ABT1: variants seen among roughly 807,000 people sequenced by gnomAD.
ABT1 encodes the protein activator of basal transcription 1, also known as TATA-binding protein-binding protein.
In ABT1, 13 loss-of-function variants were observed where a neutral mutation model predicts 14.0. The observed-to-expected ratio is 0.93, with a 90% CI of 0.61 to 1.48. The LOEUF is 1.48. ABT1 is among the 40% of genes most tolerant of loss of function. The pLI, the probability that ABT1 is intolerant of heterozygous loss-of-function variation, is 0.00. For missense variants in ABT1, 430 were observed against 380.0 expected (o/e 1.13, Z -1.09); for synonymous variants, 165 against 144.6 (o/e 1.14, Z -1.01).
Position 26,599,856 on chromosome 6 carries a change from G to T in ABT1, c.*1211G>T, listed in dbSNP as rs1554144926. The T allele has an allele frequency of 6.6e-6, 1 of 152,252 alleles. No individual in the cohort carries two copies. Among genetic ancestry groups the T allele is most frequent in the African/African-American group, 2.4e-5 (1 of 41,456 alleles). 9.4% of individuals were successfully genotyped at this position (152,252 alleles called of 1,614,324 possible). Reference sequence around the variant, plus strand: ...AATTCTGATCATTTTCCAGGCTGTTGCATGAAGTGATAGAGTATGATTATA... The same window carrying T: ...AATTCTGATCATTTTCCAGGCTGTTTCATGAAGTGATAGAGTATGATTATA... On this transcript the variant is annotated 3_prime_UTR_variant, in exon 3 of 3. Transcript: ENST00000274849.
rs368619227 is a variant in ABT1 at position 26,597,294 on chromosome 6, C to T, written c.241+71C>T. The T allele has an allele frequency of 2.3e-5, 36 of 1,566,514 alleles. No homozygotes were observed. The African/African-American group carries it at 2.3e-4, about 10-fold the overall frequency. ...CTGGCGGGGTGCAAGCATGCATGTCCTGTTGCTTCGCTGCGCGAGGCTGAG... is the reference window on the plus strand; with the variant it reads ...CTGGCGGGGTGCAAGCATGCATGTCTTGTTGCTTCGCTGCGCGAGGCTGAG... On this transcript the variant is annotated intron_variant, in intron 1 of 2. Coordinates refer to ENST00000274849, the MANE Select transcript of ABT1 (RefSeq NM_013375.4).
intron 2 of ABT1, 73 bp downstream of exon 2, chr6:26,598,183 G>A (rs1482212250): frequency 6.4e-7 from 1 of 1,574,640 alleles, no homozygotes; most frequent in Non-Finnish European, 8.7e-7. Context: ...TATCCCCATG[G>A]CCTCTCATTG....
Position 26,596,990 on chromosome 6 carries a change from C to T in ABT1, c.8C>T (p.Ala3Val), listed in dbSNP as rs782100852. ...CCGCTCGTGTCAGTCAACATGGAGG[C>T]AGAGGAATCGGAGAAGGCCGCAACG... ME[A>V]EESEKAATEQ... is the part of the protein sequence containing the mutation. The change falls in exon 1 of 3, where the codon GCA becomes GTA. Residue 3 changes from alanine (A) to valine (V), a missense_variant. By Grantham distance (64) the Ala-to-Val change is moderately conservative (BLOSUM62 0). Coordinates refer to ENST00000274849, the MANE Select transcript of ABT1 (RefSeq NM_013375.4). 1.5e-5 allele frequency: 24 copies of T among 1,610,562 alleles called. No homozygotes were observed. The highest frequency in any genetic ancestry group is 1.1e-4 in the South Asian group (10 of 90,606).
In ABT1 at chr6:26,599,774, A is replaced by C. The variant is rs1764952043; in HGVS notation, c.*1129A>C. 6.6e-6 allele frequency: 1 copy of C among 152,256 alleles called. No homozygotes were observed. The highest frequency in any genetic ancestry group is 6.5e-5 in the Admixed American group (1 of 15,284). The allele number at this position is 152,256 out of a possible 1,614,324, so 9.4% of individuals were successfully genotyped here. ...CAAAGAATCAGTGTAAGCCACTAAAAGGAACTGAAAACCTAGGTGTCACAA... is the reference window on the plus strand; with the variant it reads ...CAAAGAATCAGTGTAAGCCACTAAACGGAACTGAAAACCTAGGTGTCACAA... On this transcript the variant is annotated 3_prime_UTR_variant, in exon 3 of 3. Coordinates refer to ENST00000274849, the MANE Select transcript of ABT1 (RefSeq NM_013375.4).
Position 26,598,740 on chromosome 6 carries a change from G to A in ABT1, c.*95G>A, listed in dbSNP as rs1554144860. On this transcript the variant is annotated 3_prime_UTR_variant, in exon 3 of 3. Coordinates refer to ENST00000274849, the MANE Select transcript of ABT1 (RefSeq NM_013375.4). Reference sequence around the variant, plus strand: ...TGACTACCCGGGCAGACATTTTACTGTGTTTCTCAGACCAAGTGTCTACTG... The same window carrying A: ...TGACTACCCGGGCAGACATTTTACTATGTTTCTCAGACCAAGTGTCTACTG... The A allele has an allele frequency of 2.1e-6, 3 of 1,443,300 alleles. No homozygotes were observed. The highest frequency in any genetic ancestry group is 2.8e-5 in the African/African-American group (2 of 70,368). The allele number at this position is 1,443,300 out of a possible 1,614,324, so 89.4% of individuals were successfully genotyped here. A position where few individuals can be genotyped will look rare whatever the true frequency, so the allele number is the denominator to read the frequency against.
intron 1 of ABT1, 97 bp downstream of exon 1, chr6:26,597,320 G>A (rs1764915487): frequency 1.6e-5 from 24 of 1,539,196 alleles, no homozygotes; most frequent in Non-Finnish European, 2.0e-5. Flanking sequence ...CGAGGCTGAG[G>A]CACGAGTTGC....
In ABT1 at chr6:26,598,431, C is replaced by T. The variant is rs782291202; in HGVS notation, c.605C>T (p.Pro202Leu). 3 of 1,614,244 alleles carry T rather than the reference C, an allele frequency of 1.9e-6. No individual in the cohort carries two copies. The highest frequency in any genetic ancestry group is 2.5e-6 in the Non-Finnish European group (3 of 1,180,042). ...GQRFLAADGDPARPDGSWTFA... is the reference protein window; with the variant it reads ...GQRFLAADGDLARPDGSWTFA... Reference sequence around the variant, plus strand: ...CGCTTTCTTGCGGCCGATGGGGACCCTGCTCGCCCAGATGGCTCCTGGACA... The same window carrying T: ...CGCTTTCTTGCGGCCGATGGGGACCTTGCTCGCCCAGATGGCTCCTGGACA... Residue 202 changes from proline to leucine, a missense_variant, in exon 3 of 3, where the codon CCT becomes CTT. Pro to Leu is a moderately conservative substitution (Grantham distance 98). Transcript: ENST00000274849.
In ABT1 at chr6:26,597,113, T is replaced by C; in HGVS notation, c.131T>C (p.Val44Ala). The C allele has an allele frequency of 1.2e-6, 2 of 1,614,086 alleles. No homozygotes were observed. Among genetic ancestry groups the C allele is most frequent in the Non-Finnish European group, 1.7e-6 (2 of 1,179,986 alleles). Residue 44 changes from valine (V) to alanine (A), a missense_variant, in exon 1 of 3, where the codon GTG becomes GCG. Coordinates refer to ENST00000274849, the MANE Select transcript of ABT1 (RefSeq NM_013375.4). The part of the protein sequence containing the change: ...EAACGSKKRV[V>A]PGIVYLGHIP... Reference sequence around the variant, plus strand: ...GCCTGTGGCAGCAAGAAACGGGTAGTGCCAGGTATTGTGTACCTGGGCCAT... The same window carrying C: ...GCCTGTGGCAGCAAGAAACGGGTAGCGCCAGGTATTGTGTACCTGGGCCAT...
In ABT1 at chr6:26,598,595, C is replaced by G. The variant is rs1764937046; in HGVS notation, c.769C>G (p.Pro257Ala). ...GCTCCTGGCCAGGATCTTTGGAGCC[C>G]CGCCACCCTCAGAGAGCATGGAGGG... is the stretch of plus-strand genomic sequence containing the variant. ...KGLLARIFGA[P>A]PPSESMEGPS... The change falls in exon 3 of 3, where the codon CCG becomes GCG. Residue 257 changes from proline to alanine, a missense_variant. Pro to Ala is a conservative substitution (Grantham distance 27, BLOSUM62 -1). Transcript: ENST00000274849. 6.3e-7 allele frequency: 1 copy of G among 1,598,346 alleles called. No individual in the cohort carries two copies.
chr6:26,597,890 CGG>C, intron 1 of ABT1, 22 bp from the exon 2 acceptor site: 2 of 1,593,160 alleles, frequency 1.3e-6, no homozygotes, highest in South Asian at 2.3e-5. Flanking sequence ...GCGTCCTGGA[CGG>C]GTCTTTGTCT....
Position 26,598,594 on chromosome 6 carries a change from C to T in ABT1, c.768C>T (p.Ala256=), listed in dbSNP as rs782137965. The change falls in exon 3 of 3, where the codon GCC becomes GCT. Residue 256 remains alanine (A), a synonymous_variant. Transcript: ENST00000274849. ...NKGLLARIFG[A]PPPSESMEGP... is the part of the protein sequence containing the mutation. ...GGCTCCTGGCCAGGATCTTTGGAGC[C>T]CCGCCACCCTCAGAGAGCATGGAGG... 3.8e-6 allele frequency: 6 copies of T among 1,598,636 alleles called. No individual in the cohort carries two copies. Among genetic ancestry groups the T allele is most frequent in the Non-Finnish European group, 5.1e-6 (6 of 1,168,944 alleles).
chr6:26,597,938 AG>A lies in ABT1; in HGVS notation c.268del (p.Ala90GlnfsTer28), dbSNP rs782458199. The part of the protein sequence containing the change: ...AEDRFVRRKK[K>X]AAAAAGGKKR... ...GACCGGTTCGTGAGACGCAAGAAGA[AG>A]GCAGCAGCAGCTGCCGGAGGAAAAA... On this transcript the variant is annotated frameshift_variant, in exon 2 of 3. Coordinates refer to ENST00000274849, the MANE Select transcript of ABT1 (RefSeq NM_013375.4). LOFTEE classifies it high-confidence loss of function. 2 of 1,613,126 alleles carry A rather than the reference AG, an allele frequency of 1.2e-6. No homozygotes were observed. Among genetic ancestry groups the A allele is most frequent in the Non-Finnish European group, 8.5e-7 (1 of 1,179,334 alleles).
intron 2 of ABT1, 26 bp from the exon 3 acceptor site, chr6:26,598,239 G>C: frequency 2.5e-6 from 4 of 1,601,756 alleles, no homozygotes; most frequent in Non-Finnish European, 3.4e-6. Flanking sequence ...GCACTATCCT[G>C]ATCTTTTCTT....
rs1764948910 is a variant in ABT1, at chr6:26,599,498, C to A, written c.*853C>A. 1 of 152,180 alleles carries A rather than the reference C, an allele frequency of 6.6e-6. No homozygotes were observed. Among genetic ancestry groups the A allele is most frequent in the Non-Finnish European group, 1.5e-5 (1 of 68,044 alleles). 9.4% of individuals were successfully genotyped at this position (152,180 alleles called of 1,614,324 possible). A position where few individuals can be genotyped will look rare whatever the true frequency, so the allele number is the denominator to read the frequency against. The stretch of plus-strand genomic sequence containing the variant: ...GGTCATAGAGTCCTCTCAATGGGAA[C>A]CTGATTGATGATCACAGTCTTCAGT... On this transcript the variant is annotated 3_prime_UTR_variant, in exon 3 of 3. Coordinates refer to ENST00000274849, the MANE Select transcript of ABT1 (RefSeq NM_013375.4).
rs1465158430 is a variant in ABT1 at position 26,599,694 on chromosome 6, C to T, written c.*1049C>T. On this transcript the variant is annotated 3_prime_UTR_variant, in exon 3 of 3. Coordinates refer to ENST00000274849, the MANE Select transcript of ABT1 (RefSeq NM_013375.4). ...GGCAAAGCCTAGTAGAGAACCAGTG[C>T]ACCTCAGGTGCACTTACATATGGTG... The T allele has an allele frequency of 3.3e-5, 5 of 152,228 alleles. No individual in the cohort carries two copies. Among genetic ancestry groups the T allele is most frequent in the African/African-American group, 1.2e-4 (5 of 41,454 alleles). The allele number at this position is 152,228 out of a possible 1,614,324, so 9.4% of individuals were successfully genotyped here.
At position 26,598,655 on chromosome 6, in the gene ABT1, T is replaced by G. The variant is rs1374471119; in HGVS notation, c.*10T>G. 1 of 1,528,818 alleles carries G rather than the reference T, an allele frequency of 6.5e-7. No homozygotes were observed. Among genetic ancestry groups the G allele is most frequent in the Non-Finnish European group, 8.8e-7 (1 of 1,138,202 alleles). 94.7% of individuals were successfully genotyped at this position (1,528,818 alleles called of 1,614,324 possible). Reference sequence around the variant, plus strand: ...TGTCAGGGACTCCTGAGGGCCTGGGTGGCCCCTTCCATTTCCTGGCCCTGC... The same window carrying G: ...TGTCAGGGACTCCTGAGGGCCTGGGGGGCCCCTTCCATTTCCTGGCCCTGC... On this transcript the variant is annotated 3_prime_UTR_variant, in exon 3 of 3. Coordinates refer to ENST00000274849, the MANE Select transcript of ABT1 (RefSeq NM_013375.4).
chr6:26,597,308 C>T (rs1382042592), intron 1 of ABT1, 85 bp downstream of exon 1: 3 of 1,545,926 alleles, frequency 1.9e-6, no homozygotes, highest in East Asian at 2.3e-5. Flanking sequence ...TGCTTCGCTG[C>T]GCGAGGCTGA....
At position 26,598,570 on chromosome 6, in the gene ABT1, G is replaced by A. The variant is rs3800304; in HGVS notation, c.744G>A (p.Gly248=). 147,725 of 1,606,040 alleles carry A rather than the reference G, an allele frequency of 0.092. 8,220 individuals carry two copies. Among genetic ancestry groups the A allele is most frequent in the Non-Finnish European group, 0.1 (119,099 of 1,174,058 alleles). Residue 248 remains glycine (G), a synonymous_variant, in exon 3 of 3, where the codon GGG becomes GGA. Coordinates refer to ENST00000274849, the MANE Select transcript of ABT1 (RefSeq NM_013375.4). ...AGGACAAGGCCCGCTCCAACAAAGGGCTCCTGGCCAGGATCTTTGGAGCCC... is the reference window on the plus strand; with the variant it reads ...AGGACAAGGCCCGCTCCAACAAAGGACTCCTGGCCAGGATCTTTGGAGCCC... ...TAQDKARSNK[G]LLARIFGAPP...
At chr6:26,598,158 C>T in intron 2 of ABT1, 48 bp downstream of exon 2, 2 of 1,580,142 alleles carry the variant, frequency 1.3e-6, no homozygotes, top group Non-Finnish European at 1.7e-6. Flanking sequence ...CCCTTCTCCC[C>T]AACTCTGGCC....
Sources: allele counts gnomAD v4.1 joint callset, GRCh38; gene constraint gnomAD v4.1.1; transcripts MANE v1.5; gene names NCBI Gene and HGNC (gene_info 2026-07-23, HGNC 2026-07-21).